SV2C: variants seen among roughly 807,000 people sequenced by gnomAD.
SV2C encodes synaptic vesicle glycoprotein 2C.
In SV2C, 49 loss-of-function variants were observed where a neutral mutation model predicts 79.7. The observed-to-expected ratio is 0.61, with a 90% CI of 0.49 to 0.78. The LOEUF (loss-of-function observed/expected upper bound fraction) is 0.78, where lower values mean the gene tolerates loss of function less well. SV2C is among the 30% of genes least tolerant of loss of function. The pLI, the probability that SV2C is intolerant of heterozygous loss-of-function variation, is 0.00. For missense variants in SV2C, 833 were observed against 912.9 expected, an observed-to-expected ratio of 0.91 and a Z score of 1.13; for synonymous variants, 334 against 333.2, an observed-to-expected ratio of 1.00 and a Z score of -0.03.
At chr5:76,062,574 C>T in the SV2C span, among the ~76,000 whole-genome samples, 1 of 151,130 alleles carries the variant, frequency 6.6e-6, no homozygotes. Flanking sequence ...CACAAATGGA[C>T]TAAGACAGAT....
chr5:76,102,828 C>G (rs534356976), intron 1 of SV2C, among the ~76,000 whole-genome samples: 1 of 152,126 alleles, frequency 6.6e-6, no homozygotes, highest in Non-Finnish European at 1.5e-5. Context: ...GAAAAACATG[C>G]CCCTGACTTT....
chr5:75,949,089 C>G, the SV2C span, among the ~76,000 whole-genome samples: 5 of 151,376 alleles, frequency 3.3e-5, no homozygotes, highest in South Asian at 2.1e-4. Flanking sequence ...GATCCTGTAG[C>G]GTGTGTGGCA....
chr5:75,951,370 C>A, the SV2C span, among the ~76,000 whole-genome samples: 4 of 152,124 alleles, frequency 2.6e-5, no homozygotes, highest in East Asian at 7.8e-4. Context: ...AGTAGAGATG[C>A]TGTTCAGAAT....
At chr5:76,084,767 G>A (rs1490837900) in intron 1 of SV2C, among the ~76,000 whole-genome samples, 1 of 151,868 alleles carries the variant, frequency 6.6e-6, no homozygotes, top group East Asian at 1.9e-4. Context: ...AAAGCTCTGG[G>A]TTGATGGATG....
At chr5:76,031,433 A>G in the SV2C span, among the ~76,000 whole-genome samples, 1 of 152,182 alleles carries the variant, frequency 6.6e-6, no homozygotes, top group Non-Finnish European at 1.5e-5. Flanking sequence ...AGACCTACAC[A>G]CCCCTTCTTG....
At chr5:76,312,442 G>A (rs920984898) in intron 12 of SV2C, among the ~76,000 whole-genome samples, 1 of 151,952 alleles carries the variant, frequency 6.6e-6, no homozygotes, top group African/African-American at 2.4e-5. Flanking sequence ...TAATAGAGAC[G>A]GGGTTTCACC....
At chr5:76,132,901 A>T (rs980554334) in intron 2 of SV2C, among the ~76,000 whole-genome samples, 3 of 151,836 alleles carry the variant, frequency 2.0e-5, no homozygotes, top group African/African-American at 7.2e-5. Flanking sequence ...GGTGATTTTT[A>T]ATCTTTTTCA....
chr5:75,890,155 T>C, the SV2C span, among the ~76,000 whole-genome samples: 280 of 152,228 alleles, frequency 1.8e-3, 1 homozygote, highest in African/African-American at 6.6e-3. Context: ...AATGCTAAAA[T>C]TACCCACAAT....
intron 1 of SV2C, among the ~76,000 whole-genome samples, chr5:76,102,776 T>C (rs999678297): frequency 1.3e-5 from 2 of 152,178 alleles, no homozygotes; most frequent in African/African-American, 2.4e-5. Flanking sequence ...ACTTGTAGCC[T>C]TGTTGAGAGA....
At chr5:76,100,583 C>G (rs1747708591) in intron 1 of SV2C, among the ~76,000 whole-genome samples, 1 of 152,174 alleles carries the variant, frequency 6.6e-6, no homozygotes, top group African/African-American at 2.4e-5. Context: ...TTGACCATCT[C>G]CCTTGTGCAA....
intron 12 of SV2C, among the ~76,000 whole-genome samples, chr5:76,346,110 C>G (rs1471983392): frequency 6.6e-6 from 1 of 152,140 alleles, no homozygotes; most frequent in African/African-American, 2.4e-5. Flanking sequence ...TAATTTCAAG[C>G]TACCAGTGTG....
chr5:76,322,880 T>G (rs879208908), intron 12 of SV2C, among the ~76,000 whole-genome samples: 1 of 152,166 alleles, frequency 6.6e-6, no homozygotes, highest in Non-Finnish European at 1.5e-5. Flanking sequence ...TTATGCAAAA[T>G]TAACTCAAGA....
chr5:75,981,692 C>T, the SV2C span, among the ~76,000 whole-genome samples: 2 of 152,076 alleles, frequency 1.3e-5, no homozygotes, highest in African/African-American at 4.8e-5. Context: ...TGGACCTTTC[C>T]CTTACACCAT....
chr5:76,324,474 TC>T (rs1162514928), intron 12 of SV2C, among the ~76,000 whole-genome samples: 1 of 152,192 alleles, frequency 6.6e-6, no homozygotes, highest in Admixed American at 6.5e-5. Context: ...CCTGCCTCTC[TC>T]TAATGAACTG....
At chr5:76,267,082 GTGA>G (rs1725057511) in intron 4 of SV2C, among the ~76,000 whole-genome samples, 1 of 152,216 alleles carries the variant, frequency 6.6e-6, no homozygotes, top group South Asian at 2.1e-4. Context: ...CCACCACACG[GTGA>G]TTGGGAGGGC....
chr5:75,984,693 T>C, the SV2C span, among the ~76,000 whole-genome samples: 1 of 152,052 alleles, frequency 6.6e-6, no homozygotes, highest in South Asian at 2.1e-4. Context: ...AATTGGCTTA[T>C]GTGATTGTGA....
chr5:76,043,226 G>A, the SV2C span, among the ~76,000 whole-genome samples: 3 of 152,176 alleles, frequency 2.0e-5, no homozygotes, highest in Non-Finnish European at 4.4e-5. Flanking sequence ...CATGGTTTCA[G>A]TGATCCCCAT....
At chr5:76,301,716 C>G (rs1748008814) in intron 12 of SV2C, among the ~76,000 whole-genome samples, 171 bp downstream of exon 12, 1 of 152,014 alleles carries the variant, frequency 6.6e-6, no homozygotes, top group Non-Finnish European at 1.5e-5. Context: ...CGAGACCAGC[C>G]TGGCCAATAT....
rs952696099 is a variant in SV2C, at chr5:76,326,284, ATGTT to A, written c.*740_*743del. ...CTGTGACTGTGGCATGTGGTTCAGA[ATGTT>A]TGAAAATCAGAGATCCGAGAGAGAG... On this transcript the variant is annotated 3_prime_UTR_variant, in exon 13 of 13. Coordinates refer to ENST00000502798, the MANE Select transcript of SV2C (RefSeq NM_014979.4). 6.6e-6 allele frequency: 1 copy of A among 152,248 alleles called. No individual in the cohort carries two copies. The highest frequency in any genetic ancestry group is 2.1e-4 in the South Asian group (1 of 4,836). 9.4% of individuals were successfully genotyped at this position (152,248 alleles called of 1,614,324 possible).
Sources: allele counts gnomAD v4.1 joint callset (sites outside exome capture counted in the v4.1 genomes callset), GRCh38; gene constraint gnomAD v4.1.1; transcripts MANE v1.5; gene names NCBI Gene and HGNC (gene_info 2026-07-23, HGNC 2026-07-21).